The following SOX13 variants were observed in gnomAD, a reference collection of about 807,000 sequenced individuals.
The protein encoded by SOX13 is SRY-box transcription factor 13.
In SOX13, 28 loss-of-function variants were observed where a neutral mutation model predicts 71.8. The ratio of observed to expected loss-of-function variants is 0.39; its 90% CI spans 0.29 to 0.53. The LOEUF (loss-of-function observed/expected upper bound fraction) is 0.53. SOX13 is among the 20% of genes least tolerant of loss of function. The probability of loss-of-function intolerance (pLI) is 0.70; values close to 1 mark genes in which losing one functional copy is unlikely to be tolerated. For missense variants in SOX13, 627 were observed against 810.3 expected (o/e 0.77, Z 2.75); for synonymous variants, 309 against 317.8 (o/e 0.97, Z 0.29).
chr1:204,074,437 G>A (rs1655742717), intron 1 of SOX13: 1 of 151,870 alleles, frequency 6.6e-6, no homozygotes, highest in Non-Finnish European at 1.5e-5. Flanking sequence ...TCGCGCCTAG[G>A]GGTAGGGAGA....
chr1:204,116,475 G>A (rs377579760), intron 4 of SOX13, 32 bp from the exon 5 acceptor site: 33 of 1,612,988 alleles, frequency 2.0e-5, no homozygotes, highest in Non-Finnish European at 2.8e-5. Context: ...CAAGTAAAAA[G>A]TCTCAATGGG....
intron 1 of SOX13, among the ~76,000 whole-genome samples, chr1:204,109,651 T>C (rs1364119381): frequency 6.6e-6 from 1 of 152,124 alleles, no homozygotes; most frequent in East Asian, 1.9e-4. Context: ...ATGCTATTAA[T>C]TGATGTAGGA....
intron 4 of SOX13, among the ~76,000 whole-genome samples, chr1:204,115,660 T>C (rs189094105): frequency 1.4e-3 from 146 of 101,608 alleles, no homozygotes; most frequent in Non-Finnish European, 1.0e-3. Context: ...TCTTCTTCTT[T>C]TTTTTTTTTT....
At chr1:204,092,257 C>T (rs182940923) in intron 1 of SOX13, among the ~76,000 whole-genome samples, 4 of 152,198 alleles carry the variant, frequency 2.6e-5, no homozygotes, top group Admixed American at 2.6e-4. Flanking sequence ...TCAAAGTCTG[C>T]CTTGGTCTCC....
At position 204,122,852 on chromosome 1, in the gene SOX13, A is replaced by G; in HGVS notation, c.1025-2A>G. On this transcript the variant is annotated splice_acceptor_variant, in intron 9 of 13. Coordinates refer to ENST00000367204, the MANE Select transcript of SOX13 (RefSeq NM_005686.3). LOFTEE classifies it high-confidence loss of function. The stretch of plus-strand genomic sequence containing the variant: ...TTCCCTCTCTTCTGCCCTCTCCCAC[A>G]GGCTTCCTTGGTGAAGGGGACGCTG... 1 of 1,546,888 alleles carries G rather than the reference A, an allele frequency of 6.5e-7. No homozygotes were observed. Among genetic ancestry groups the G allele is most frequent in the Non-Finnish European group, 8.8e-7 (1 of 1,141,558 alleles).
rs1406241126 is a variant in SOX13, at chr1:204,112,949, GC to G, written c.37del (p.Leu13TrpfsTer8). 6.2e-7 allele frequency: 1 copy of G among 1,613,598 alleles called. No homozygotes were observed. The highest frequency in any genetic ancestry group is 8.5e-7 in the Non-Finnish European group (1 of 1,179,862). On this transcript the variant is annotated frameshift_variant, in exon 2 of 14. Coordinates refer to ENST00000367204, the MANE Select transcript of SOX13 (RefSeq NM_005686.3). LOFTEE classifies it high-confidence loss of function. Reference sequence around the variant, plus strand: ...GAGGAGCCCCATCTCTGCCCAGCTGGCCCTGGATGGCGTTGGCACCATGGTG... The same window carrying G: ...GAGGAGCCCCATCTCTGCCCAGCTGGCCTGGATGGCGTTGGCACCATGGTG... ...SMRSPISAQL[A>X]LDGVGTMVNC... is the part of the protein sequence containing the mutation.
chr1:204,117,074 C>CA, intron 5 of SOX13, 48 bp from the exon 6 acceptor site: 1 of 1,589,072 alleles, frequency 6.3e-7, no homozygotes, highest in Non-Finnish European at 8.6e-7. Flanking sequence ...GACTGGGCAC[C>CA]AGGGCTAATG....
intron 1 of SOX13, among the ~76,000 whole-genome samples, chr1:204,076,271 G>A (rs115640184): frequency 0.011 from 1,605 of 152,326 alleles, 32 homozygotes; most frequent in African/African-American, 0.037. Context: ...AGGATTGGAT[G>A]TGCATTTGTG....
chr1:204,085,122 A>G (rs888742098), intron 1 of SOX13, among the ~76,000 whole-genome samples: 1 of 152,162 alleles, frequency 6.6e-6, no homozygotes, highest in African/African-American at 2.4e-5. Context: ...CTCCTTACCT[A>G]TTTCTAAAGC....
rs1007308930 is a variant in SOX13, at chr1:204,115,647, G to GCTT, written c.419-850_419-848dup. On this transcript the variant is annotated intron_variant, in intron 4 of 13. Coordinates refer to ENST00000367204, the MANE Select transcript of SOX13 (RefSeq NM_005686.3). Reference sequence around the variant, plus strand: ...GACTAAGAGCTTTGCATATATTAGCGCTTCTTCTTCTTTTTTTTTTTTTTT... The same window carrying GCTT: ...GACTAAGAGCTTTGCATATATTAGCGCTTCTTCTTCTTCTTTTTTTTTTTTTTT... Among the ~76,000 whole-genome samples, 667 of 135,922 alleles carry GCTT rather than the reference G, an allele frequency of 4.9e-3. 15 individuals carry two copies. Among genetic ancestry groups the GCTT allele is most frequent in the Non-Finnish European group, 7.1e-3 (449 of 63,248 alleles). The allele number at this position is 135,922 out of a possible 152,430, so 89.2% of individuals were successfully genotyped here. A position where few individuals can be genotyped will look rare whatever the true frequency, so the allele number is the denominator to read the frequency against.
Position 204,122,189 on chromosome 1 carries a change from A to G in SOX13, c.862-48A>G. 1.4e-6 allele frequency: 2 copies of G among 1,465,494 alleles called. 1 individual carries two copies. The highest frequency in any genetic ancestry group is 1.8e-6 in the Non-Finnish European group (2 of 1,085,514). 90.8% of individuals were successfully genotyped at this position (1,465,494 alleles called of 1,614,324 possible). A position where few individuals can be genotyped will look rare whatever the true frequency, so the allele number is the denominator to read the frequency against. ...CACTTCCTCTCTGTCCTGCTGTGGG[A>G]GTGTCCTTTGGTGTCTGTCATCCTC... On this transcript the variant is annotated intron_variant, in intron 8 of 13. Transcript: ENST00000367204.
chr1:204,115,083 C>T (rs1469137007), intron 4 of SOX13, among the ~76,000 whole-genome samples: 1 of 151,714 alleles, frequency 6.6e-6, no homozygotes, highest in East Asian at 1.9e-4. Context: ...ACAATCTTGG[C>T]TCACTGCAGC....
chr1:204,094,343 C>G (rs1337252179), intron 1 of SOX13, among the ~76,000 whole-genome samples: 1 of 152,222 alleles, frequency 6.6e-6, no homozygotes, highest in Non-Finnish European at 1.5e-5. Context: ...TCTAGACCCT[C>G]TCTGCAATTA....
Position 204,116,767 on chromosome 1 carries a change from C to T in SOX13, c.591+88C>T, listed in dbSNP as rs1209792425. 6 of 1,560,256 alleles carry T rather than the reference C, an allele frequency of 3.8e-6. No homozygotes were observed. The African/African-American group carries it at 8.1e-5, about 21-fold the overall frequency. On this transcript the variant is annotated intron_variant, in intron 5 of 13. Coordinates refer to ENST00000367204, the MANE Select transcript of SOX13 (RefSeq NM_005686.3). ...AAGGCTGCCTTAGGGACAGGCCTCA[C>T]CAGTGCAAGCTGGGGCCTGGGGGCA... is the stretch of plus-strand genomic sequence containing the variant.
chr1:204,117,749 T>A, intron 7 of SOX13, 42 bp downstream of exon 7: 2 of 1,401,404 alleles, frequency 1.4e-6, no homozygotes, highest in Non-Finnish European at 2.0e-6. Context: ...GGCCAGCCTG[T>A]CCTGAGGTCA....
chr1:204,079,343 A>AT (rs746260553), intron 1 of SOX13, among the ~76,000 whole-genome samples: 49,151 of 110,780 alleles, frequency 0.44, 11,847 homozygotes, highest in South Asian at 0.58. Flanking sequence ...AGCATAGAAC[A>AT]TTTTTTTTTT....
chr1:204,096,379 A>C (rs1331538592), intron 1 of SOX13, among the ~76,000 whole-genome samples: 1 of 150,292 alleles, frequency 6.7e-6, no homozygotes, highest in Non-Finnish European at 1.5e-5. Context: ...AGCTGAGACC[A>C]CAGTGTATGC....
chr1:204,085,983 AG>A (rs1206266817), intron 1 of SOX13, among the ~76,000 whole-genome samples: 1 of 151,712 alleles, frequency 6.6e-6, no homozygotes, highest in Admixed American at 6.6e-5. Flanking sequence ...AAAAAAAAAA[AG>A]AAAAGAAAGA....
chr1:204,081,102 G>A lies in SOX13; in HGVS notation c.-2+7391G>A, dbSNP rs569151728. On this transcript the variant is annotated intron_variant, in intron 1 of 13. Coordinates refer to ENST00000367204, the MANE Select transcript of SOX13 (RefSeq NM_005686.3). This position sits in a 1 kb window ranked among gnomAD's most constrained non-coding sequence, Gnocchi z 4.3. ...AATTTTTTGTATTTTTAGTAGAGAC[G>A]GGATTTCTCCATGTTGGTTAGGCTG... Among the ~76,000 whole-genome samples, 23 of 151,934 alleles carry A rather than the reference G, an allele frequency of 1.5e-4. No homozygotes were observed. Among genetic ancestry groups the A allele is most frequent in the African/African-American group, 4.3e-4 (18 of 41,436 alleles).
Sources: gnomAD v4.1 joint callset for allele counts (sites outside exome capture counted in the v4.1 genomes callset) on GRCh38, gnomAD v4.1.1 for gene constraint, Gnocchi (gnomAD v3.1) non-coding constraint, MANE v1.5 for transcripts, NCBI Gene and HGNC (gene_info 2026-07-23, HGNC 2026-07-21) for gene names.